The following E2F8 variants were observed in gnomAD, a reference collection of about 807,000 sequenced individuals.
The protein encoded by E2F8 is transcription factor E2F8.
E2F8 carries 35 observed loss-of-function variants against 80.8 expected under a neutral mutation model. The observed-to-expected ratio is 0.43, with a 90% CI of 0.33 to 0.57. The LOEUF (loss-of-function observed/expected upper bound fraction) is 0.57, where lower values mean the gene tolerates loss of function less well. E2F8 is among the 20% of genes least tolerant of loss of function. E2F8 has a pLI of 0.04. For missense variants in E2F8, 975 were observed against 1,056.2 expected, an observed-to-expected ratio of 0.92 and a Z score of 1.07; for synonymous variants, 386 against 395.0, an observed-to-expected ratio of 0.98 and a Z score of 0.27.
Position 19,239,537 on chromosome 11 carries a change from C to CA in E2F8, c.15+569dup, listed in dbSNP as rs138477993. 1.6e-3 allele frequency among the ~76,000 whole-genome samples: 248 copies of CA among 152,104 alleles called. 2 individuals are homozygous for CA. Among genetic ancestry groups the CA allele is most frequent in the African/African-American group, 5.6e-3 (232 of 41,548 alleles). On this transcript the variant is annotated intron_variant, in intron 2 of 12. Coordinates refer to ENST00000250024, the MANE Select transcript of E2F8 (RefSeq NM_024680.4). ...TTTTACAAAATGTTTGCCCCCTAAA[C>CA]AGAGCATTTTGCAGACCCCATAAAT...
chr11:19,234,599 A>C, intron 5 of E2F8, 78 bp from the exon 6 acceptor site: 1 of 1,569,002 alleles, frequency 6.4e-7, no homozygotes, highest in Non-Finnish European at 8.7e-7. Context: ...GGCTAAAAAT[A>C]CTACCACCTG....
rs765850581 is a variant in E2F8, at chr11:19,229,824, A to G, written c.1523T>C (p.Val508Ala). ...PLIPSPLSSA[V>A]PLILPQAPSG... is the part of the protein sequence containing the mutation. ...AGGGGCCTGAGGTAGGATCAGGGGC[A>G]CTGCTGATGACAAGGGGCTGGGGAT... is the stretch of plus-strand genomic sequence containing the variant. Residue 508 changes from valine to alanine, a missense_variant, in exon 10 of 13, where the codon GTG becomes GCG. Val to Ala is a moderately conservative substitution (Grantham distance 64). Coordinates refer to ENST00000250024, the MANE Select transcript of E2F8 (RefSeq NM_024680.4). This position sits in a 1 kb window ranked among gnomAD's most constrained non-coding sequence, Gnocchi z 4.3. The G allele has an allele frequency of 6.2e-7, 1 of 1,613,692 alleles. No individual in the cohort carries two copies. The highest frequency in any genetic ancestry group is 8.5e-7 in the Non-Finnish European group (1 of 1,179,914).
In E2F8 at chr11:19,224,820, T is replaced by C; in HGVS notation, c.2442A>G (p.Lys814=). ...AACTTTCGGCCACTAATTGTGACCC[T>C]TTGGGTGTCACAGGAACAGGCTGAT... ...GAQQPVPVTP[K]GSQLVAESFF... is the part of the protein sequence containing the mutation. Residue 814 remains lysine (K), a synonymous_variant, in exon 13 of 13, where the codon AAA becomes AAG. Transcript: ENST00000250024. 1 of 1,614,158 alleles carries C rather than the reference T, an allele frequency of 6.2e-7. No homozygotes were observed. Among genetic ancestry groups the C allele is most frequent in the Non-Finnish European group, 8.5e-7 (1 of 1,180,026 alleles).
At chr11:19,241,120 T>G (rs1221898930), upstream of E2F8, among the ~76,000 whole-genome samples, 2 of 152,236 alleles carry the variant, frequency 1.3e-5, no homozygotes, top group South Asian at 2.1e-4. The surrounding 1 kb of genome is among the most constrained non-coding windows in gnomAD (Gnocchi z 4.5). Flanking sequence ...GGGCCGGACC[T>G]TCCGCCTTCG....
intron 9 of E2F8, 126 bp from the exon 10 acceptor site, chr11:19,230,114 G>A (rs570273371): frequency 5.4e-6 from 8 of 1,482,682 alleles, no homozygotes; most frequent in South Asian, 5.0e-5. Flanking sequence ...TAATGAGTGA[G>A]TATGAGATAC....
chr11:19,226,244 C>T (rs918767588), intron 10 of E2F8, among the ~76,000 whole-genome samples: 2 of 152,152 alleles, frequency 1.3e-5, no homozygotes, highest in African/African-American at 2.4e-5. Flanking sequence ...TTATGTAGAA[C>T]GGTATTTCCC....
intron 4 of E2F8, among the ~76,000 whole-genome samples, chr11:19,235,546 G>C (rs1476452457): frequency 6.6e-6 from 1 of 152,182 alleles, no homozygotes; most frequent in Non-Finnish European, 1.5e-5. Context: ...CTACTCAGGA[G>C]GCTGAGGCAG....
Position 19,224,829 on chromosome 11 carries a change from C to T in E2F8, c.2433G>A (p.Val811=), listed in dbSNP as rs1851186300. The T allele has an allele frequency of 1.9e-6, 3 of 1,613,986 alleles. No individual in the cohort carries two copies. In the Admixed American group the frequency reaches 5.0e-5, roughly 27 times the overall value. ...CCACTAATTGTGACCCTTTGGGTGT[C>T]ACAGGAACAGGCTGATTGGAAAGAG... ...AVTGAQQPVP[V]TPKGSQLVAE... Residue 811 remains valine (V), a synonymous_variant, in exon 13 of 13, where the codon GTG becomes GTA. Transcript: ENST00000250024.
chr11:19,237,567 C>T (rs1022793930), intron 3 of E2F8, 97 bp from the exon 4 acceptor site: 11 of 1,321,926 alleles, frequency 8.3e-6, no homozygotes, highest in African/African-American at 1.5e-5. Context: ...AACTTACACA[C>T]GCTTAGCTTC....
intron 3 of E2F8, among the ~76,000 whole-genome samples, 170 bp from the exon 4 acceptor site, chr11:19,237,640 C>A (rs954287112): frequency 6.6e-6 from 1 of 152,144 alleles, no homozygotes; most frequent in Non-Finnish European, 1.5e-5. Context: ...GCTTGGCAAA[C>A]CTGAAAGGAA....
At chr11:19,237,553 C>A in intron 3 of E2F8, 83 bp from the exon 4 acceptor site, 3 of 1,386,732 alleles carry the variant, frequency 2.2e-6, no homozygotes, top group South Asian at 1.4e-5. Flanking sequence ...CGATGACTGA[C>A]ACCAACTTAC....
In E2F8 at chr11:19,240,643, A is replaced by G. The variant is rs527815166; in HGVS notation, c.-205T>C. 1 of 152,426 alleles carries G rather than the reference A, an allele frequency of 6.6e-6. No homozygotes were observed. Among genetic ancestry groups the G allele is most frequent in the Non-Finnish European group, 1.5e-5 (1 of 68,126 alleles). 9.4% of individuals were successfully genotyped at this position (152,426 alleles called of 1,614,324 possible). Reference sequence around the variant, plus strand: ...TAACTGGGTACAAGTCTGCATCTAGATGCCTGGATTTCTCCCCTTACACAC... The same window carrying G: ...TAACTGGGTACAAGTCTGCATCTAGGTGCCTGGATTTCTCCCCTTACACAC... On this transcript the variant is annotated 5_prime_UTR_variant, in exon 1 of 13. Transcript: ENST00000250024.
chr11:19,227,266 C>T (rs1049211079), intron 10 of E2F8, among the ~76,000 whole-genome samples: 1 of 152,126 alleles, frequency 6.6e-6, no homozygotes, highest in African/African-American at 2.4e-5. Flanking sequence ...TTCTTAAGTA[C>T]TTGGTCCCAC....
chr11:19,231,748 C>T (rs1049794635), intron 7 of E2F8, among the ~76,000 whole-genome samples: 3 of 152,210 alleles, frequency 2.0e-5, no homozygotes, highest in African/African-American at 7.2e-5. Context: ...AATGCTTTCA[C>T]ATACAGATTG....
chr11:19,224,073 A>G lies in E2F8; in HGVS notation c.*585T>C, dbSNP rs1851163873. 1 of 152,340 alleles carries G rather than the reference A, an allele frequency of 6.6e-6. No individual in the cohort carries two copies. Among genetic ancestry groups the G allele is most frequent in the African/African-American group, 2.4e-5 (1 of 41,470 alleles). The allele number at this position is 152,340 out of a possible 1,614,324, so 9.4% of individuals were successfully genotyped here. A position where few individuals can be genotyped will look rare whatever the true frequency, so the allele number is the denominator to read the frequency against. On this transcript the variant is annotated 3_prime_UTR_variant, in exon 13 of 13. Coordinates refer to ENST00000250024, the MANE Select transcript of E2F8 (RefSeq NM_024680.4). ...AATGAAAATGCTAACTATATTTTAG[A>G]AAAGTTTTAATTTGAACAACTTATG... is the stretch of plus-strand genomic sequence containing the variant.
chr11:19,237,257 A>G (rs754824711), intron 4 of E2F8, 57 bp downstream of exon 4: 172 of 1,552,772 alleles, frequency 1.1e-4, no homozygotes, highest in Non-Finnish European at 1.4e-4. Flanking sequence ...TGAAGGAGTT[A>G]AGTCCATAAA....
Position 19,229,956 on chromosome 11 carries a change from GCCAGCTGTA to G in E2F8, c.1382_1390del (p.Val461_Leu463del), listed in dbSNP as rs748339989. The G allele has an allele frequency of 6.2e-7, 1 of 1,613,810 alleles. No homozygotes were observed. Among genetic ancestry groups the G allele is most frequent in the South Asian group, 1.1e-5 (1 of 91,068 alleles). ...TACTGGTTTGCAGGGTCCAGATCTTGCCAGCTGTACTTTCACTTTCTGTCTGGATTCACT... is the reference window on the plus strand; with the variant it reads ...TACTGGTTTGCAGGGTCCAGATCTTGCTTTCACTTTCTGTCTGGATTCACT... On this transcript the variant is annotated inframe_deletion, in exon 10 of 13. Transcript: ENST00000250024. This position sits in a 1 kb window ranked among gnomAD's most constrained non-coding sequence, Gnocchi z 4.3.
At chr11:19,234,671 T>G in intron 5 of E2F8, 73 bp downstream of exon 5, 1 of 1,542,734 alleles carries the variant, frequency 6.5e-7, no homozygotes, top group Non-Finnish European at 8.7e-7. Context: ...TAGAGCTGTG[T>G]TCTCCACAGA....
At chr11:19,235,627 C>G (rs1293597746) in intron 4 of E2F8, among the ~76,000 whole-genome samples, 2 of 150,538 alleles carry the variant, frequency 1.3e-5, no homozygotes, top group South Asian at 4.2e-4. Flanking sequence ...CCAGCCTGGG[C>G]GAAAGAGCGA....
Sources: gnomAD v4.1 joint callset for allele counts (sites outside exome capture counted in the v4.1 genomes callset) on GRCh38, gnomAD v4.1.1 for gene constraint, Gnocchi (gnomAD v3.1) non-coding constraint, MANE v1.5 for transcripts, NCBI Gene and HGNC (gene_info 2026-07-23, HGNC 2026-07-21) for gene names.